Variants in AKAP12 observed in about 807,000 individuals in gnomAD.
The protein encoded by AKAP12 is A-kinase anchor protein 12.
In AKAP12, 32 loss-of-function variants were observed where a neutral mutation model predicts 79.9. That is an observed-to-expected ratio of 0.40 (90% CI 0.30 to 0.54). The LOEUF is 0.54. AKAP12 is among the 20% of genes least tolerant of loss of function. The probability of loss-of-function intolerance (pLI) is 0.48; values close to 1 mark genes in which losing one functional copy is unlikely to be tolerated. For synonymous variants in AKAP12, 808 were observed against 857.0 expected (o/e 0.94, Z 1.00); for missense variants, 2,074 against 2,177.0 (o/e 0.95, Z 0.94).
At chr6:151,325,053 C>G in intron 3 of AKAP12, 1 of 985,416 alleles carries the variant, frequency 1.0e-6, no homozygotes, top group Non-Finnish European at 1.2e-6. Context: ...TTGCCTTGGT[C>G]AAGTGTTGAA....
At chr6:151,267,334 T>C (rs1776069428) in intron 2 of AKAP12, among the ~76,000 whole-genome samples, 1 of 152,240 alleles carries the variant, frequency 6.6e-6, no homozygotes, top group Admixed American at 6.5e-5. Flanking sequence ...CACCATACTG[T>C]TGTTTGCACC....
At chr6:151,320,743 C>T (rs1777360018) in intron 3 of AKAP12, among the ~76,000 whole-genome samples, 1 of 152,172 alleles carries the variant, frequency 6.6e-6, no homozygotes, top group Admixed American at 6.6e-5. Context: ...AGCCTGGTTG[C>T]CTTTTCTAAA....
chr6:151,336,024 CTTTCTG>C (rs1777803564), intron 3 of AKAP12, among the ~76,000 whole-genome samples: 1 of 152,134 alleles, frequency 6.6e-6, no homozygotes, highest in Non-Finnish European at 1.5e-5. Flanking sequence ...CAGCATTTTA[CTTTCTG>C]TTTCTGAGTT....
At chr6:151,312,827 A>T (rs1224492932) in intron 3 of AKAP12, among the ~76,000 whole-genome samples, 1 of 142,692 alleles carries the variant, frequency 7.0e-6, no homozygotes, top group Non-Finnish European at 1.5e-5. Flanking sequence ...ATGAGGGCAG[A>T]GTTTTCTTGG....
At chr6:151,295,650 A>T (rs1776709510) in intron 2 of AKAP12, among the ~76,000 whole-genome samples, 1 of 152,254 alleles carries the variant, frequency 6.6e-6, no homozygotes, top group African/African-American at 2.4e-5. Flanking sequence ...TAAATTAGTT[A>T]AACGAATGTG....
At chr6:151,272,493 TGATA>T (rs76256853) in intron 2 of AKAP12, among the ~76,000 whole-genome samples, 1,495 of 144,318 alleles carry the variant, frequency 0.01, 16 homozygotes, top group African/African-American at 0.022. Context: ...TTTCATGAGA[TGATA>T]GATAGATAGA....
At chr6:151,273,526 G>A (rs1470548093) in intron 2 of AKAP12, among the ~76,000 whole-genome samples, 1 of 152,102 alleles carries the variant, frequency 6.6e-6, no homozygotes, top group Non-Finnish European at 1.5e-5. Flanking sequence ...CTTCCATATA[G>A]GTGAGCTTTT....
intron 2 of AKAP12, among the ~76,000 whole-genome samples, chr6:151,263,489 A>G (rs1797479269): frequency 1.3e-5 from 2 of 152,216 alleles, no homozygotes; most frequent in African/African-American, 4.8e-5. Context: ...GGTTGTTGAA[A>G]CATCCATTCA....
At chr6:151,330,323 A>T (rs114008373) in intron 3 of AKAP12, among the ~76,000 whole-genome samples, 2 of 152,274 alleles carry the variant, frequency 1.3e-5, no homozygotes, top group African/African-American at 4.8e-5. Context: ...AGGTCCAATG[A>T]TGATGTCACC....
rs1424996736 is a variant in AKAP12, at chr6:151,351,956, G to A, written c.3565G>A (p.Asp1189Asn). The change falls in exon 4 of 5, where the codon GAC becomes AAC. Residue 1189 changes from aspartate (D) to asparagine (N), a missense_variant. By Grantham distance (23) the Asp-to-Asn change is conservative. Transcript: ENST00000402676. The surrounding 1 kb of genome is among the most constrained non-coding windows in gnomAD (Gnocchi z 4.4). ...TGACGCACCAGGCACAACCCAGAAA[G>A]ACGAGATTGTGGAAATCCATGAGGA... The part of the protein sequence containing the change: ...DFDAPGTTQK[D>N]EIVEIHEENE... The A allele has an allele frequency of 6.2e-7, 1 of 1,614,172 alleles. No homozygotes were observed. Among genetic ancestry groups the A allele is most frequent in the South Asian group, 1.1e-5 (1 of 91,072 alleles).
At chr6:151,250,285 G>T (rs546958673) in intron 2 of AKAP12, among the ~76,000 whole-genome samples, 1 of 151,952 alleles carries the variant, frequency 6.6e-6, no homozygotes, top group East Asian at 2.0e-4. Flanking sequence ...ATCATTTGAG[G>T]TCAGGAGTTT....
chr6:151,307,433 C>A (rs1225042600), intron 3 of AKAP12, among the ~76,000 whole-genome samples: 1 of 152,070 alleles, frequency 6.6e-6, no homozygotes, highest in Admixed American at 6.5e-5. Context: ...GGAAAAGGGG[C>A]CAGATAACAG....
At chr6:151,270,878 T>C (rs138458590) in intron 2 of AKAP12, among the ~76,000 whole-genome samples, 7 of 152,352 alleles carry the variant, frequency 4.6e-5, no homozygotes, top group African/African-American at 1.7e-4. Context: ...TGAATGTGTA[T>C]ATGACAGACA....
intron 3 of AKAP12, chr6:151,343,942 AAAT>A: frequency 2.2e-6 from 1 of 459,700 alleles, no homozygotes; most frequent in Non-Finnish European, 4.1e-6. Context: ...ATGCTTTAAA[AAAT>A]AATGGGAAGA....
intron 3 of AKAP12, among the ~76,000 whole-genome samples, chr6:151,347,034 C>T (rs1778120109): frequency 1.3e-5 from 2 of 152,184 alleles, no homozygotes; most frequent in Non-Finnish European, 2.9e-5. Context: ...TCACATCAGA[C>T]GAGTAATGTG....
chr6:151,311,524 G>A (rs1360310407), intron 3 of AKAP12, among the ~76,000 whole-genome samples: 2 of 151,670 alleles, frequency 1.3e-5, no homozygotes, highest in African/African-American at 2.4e-5. Context: ...CCCCACCCCC[G>A]GGGAAAAATG....
chr6:151,319,244 G>A (rs1777305901), intron 3 of AKAP12, among the ~76,000 whole-genome samples: 1 of 151,978 alleles, frequency 6.6e-6, no homozygotes, highest in Non-Finnish European at 1.5e-5. Flanking sequence ...CAATAACCAT[G>A]TCTATACAAA....
chr6:151,266,583 C>T (rs1200249101), intron 2 of AKAP12, among the ~76,000 whole-genome samples: 3 of 152,158 alleles, frequency 2.0e-5, no homozygotes, highest in Non-Finnish European at 4.4e-5. Flanking sequence ...CATGTCTCAC[C>T]ATATAAGTGT....
In AKAP12 at chr6:151,351,369, C is replaced by A. The variant is rs771305394; in HGVS notation, c.2978C>A (p.Ala993Glu). Residue 993 changes from alanine (A) to glutamate (E), a missense_variant, in exon 4 of 5, where the codon GCA becomes GAA. Transcript: ENST00000402676. This position sits in a 1 kb window ranked among gnomAD's most constrained non-coding sequence, Gnocchi z 4.4. Reference sequence around the variant, plus strand: ...TTGGGTGCCGAAGAAGGAACCGAAGCATCTGCTGCTGAAGAGACCACAGAA... The same window carrying A: ...TTGGGTGCCGAAGAAGGAACCGAAGAATCTGCTGCTGAAGAGACCACAGAA... ...GPLGAEEGTE[A>E]SAAEETTEMV... 6.2e-7 allele frequency: 1 copy of A among 1,614,236 alleles called. No homozygotes were observed. The highest frequency in any genetic ancestry group is 8.5e-7 in the Non-Finnish European group (1 of 1,180,038).
Sources: gnomAD v4.1 joint callset for allele counts (sites outside exome capture counted in the v4.1 genomes callset) on GRCh38, gnomAD v4.1.1 for gene constraint, Gnocchi (gnomAD v3.1) non-coding constraint, MANE v1.5 for transcripts, NCBI Gene and HGNC (gene_info 2026-07-23, HGNC 2026-07-21) for gene names.